Variants in PRELID2 observed in about 807,000 individuals in gnomAD.
PRELID2 encodes PRELI domain containing 2.
A neutral mutation model predicts 28.4 loss-of-function variants in PRELID2; 25 were observed. The observed-to-expected ratio is 0.88, with a 90% CI of 0.64 to 1.23. The LOEUF is 1.23. Among genes scored for constraint, PRELID2 ranks in the 50% most tolerant of loss-of-function variants. The probability of loss-of-function intolerance (pLI) is 0.00; values close to 1 mark genes in which losing one functional copy is unlikely to be tolerated. For missense variants in PRELID2, 201 were observed against 214.4 expected (o/e 0.94, Z 0.39); for synonymous variants, 76 against 71.6 (o/e 1.06, Z -0.31).
chr5:145,665,964 A>C (rs183408055), intron 1 of PRELID2, among the ~76,000 whole-genome samples: 1 of 150,692 alleles, frequency 6.6e-6, no homozygotes, highest in East Asian at 2.0e-4. Flanking sequence ...TTAAGAAAAA[A>C]ATAGCAAACT....
chr5:145,692,494 T>C (rs1354482587), intron 1 of PRELID2, among the ~76,000 whole-genome samples: 4 of 152,220 alleles, frequency 2.6e-5, no homozygotes, highest in Non-Finnish European at 5.9e-5. Flanking sequence ...CATGCATCAA[T>C]CAGAAGAGTC....
chr5:145,698,871 C>T (rs973184275), intron 1 of PRELID2, among the ~76,000 whole-genome samples: 1 of 152,192 alleles, frequency 6.6e-6, no homozygotes, highest in Non-Finnish European at 1.5e-5. Flanking sequence ...GGATTACAGG[C>T]ATGCGCCACC....
At chr5:145,468,185 C>T (rs555481478), downstream of PRELID2, among the ~76,000 whole-genome samples, 137 of 152,106 alleles carry the variant, frequency 9.0e-4, no homozygotes, top group Non-Finnish European at 1.5e-3. Flanking sequence ...TTTGTCCTGG[C>T]GATAGTTTGC....
chr5:145,531,306 C>T (rs1259186899), intron 1 of PRELID2, among the ~76,000 whole-genome samples: 1 of 152,124 alleles, frequency 6.6e-6, no homozygotes, highest in Admixed American at 6.6e-5. Context: ...ACTAAAAAAT[C>T]TTGTCCATTT....
chr5:145,615,615 C>T (rs956804882), intron 1 of PRELID2, among the ~76,000 whole-genome samples: 1 of 116,188 alleles, frequency 8.6e-6, no homozygotes, highest in South Asian at 2.6e-4. Context: ...CGTGAGCCAC[C>T]GCGCCCAGCC....
intron 1 of PRELID2, among the ~76,000 whole-genome samples, chr5:145,654,364 T>C (rs1344293924): frequency 2.6e-5 from 4 of 152,028 alleles, no homozygotes; most frequent in East Asian, 3.9e-4. Context: ...TTCCAATCAA[T>C]AGAAAAACAG....
At chr5:145,281,682 GAA>G in the PRELID2 span, among the ~76,000 whole-genome samples, 3 of 152,180 alleles carry the variant, frequency 2.0e-5, no homozygotes, top group Non-Finnish European at 4.4e-5. Context: ...CTCACAAGTA[GAA>G]AGCCTTGTTT....
At chr5:145,564,228 A>T (rs1054904925) in intron 1 of PRELID2, among the ~76,000 whole-genome samples, 13 of 152,228 alleles carry the variant, frequency 8.5e-5, no homozygotes, top group African/African-American at 2.7e-4. Context: ...AGCATCAAGG[A>T]TCAGCAAACA....
At chr5:145,326,001 C>G in the PRELID2 span, among the ~76,000 whole-genome samples, 1 of 152,032 alleles carries the variant, frequency 6.6e-6, no homozygotes, top group South Asian at 2.1e-4. Context: ...CAACAACACA[C>G]AATTGGAAGA....
chr5:145,781,268 A>G (rs1012986621), intron 5 of PRELID2, among the ~76,000 whole-genome samples: 3 of 152,210 alleles, frequency 2.0e-5, no homozygotes, highest in Non-Finnish European at 4.4e-5. Context: ...AGCATGCTGC[A>G]GGGCTGAAGG....
At chr5:145,292,786 C>A in the PRELID2 span, among the ~76,000 whole-genome samples, 1 of 152,146 alleles carries the variant, frequency 6.6e-6, no homozygotes. Flanking sequence ...TAGCTCACTG[C>A]AGCCTAAATA....
At chr5:145,820,550 C>T (rs1422287332) in intron 2 of PRELID2, among the ~76,000 whole-genome samples, 4 of 152,124 alleles carry the variant, frequency 2.6e-5, no homozygotes. Context: ...ACCAAACTTT[C>T]AAGCACAGAT....
chr5:145,500,988 C>T (rs2126633880), intron 1 of PRELID2, among the ~76,000 whole-genome samples: 1 of 152,254 alleles, frequency 6.6e-6, no homozygotes, highest in African/African-American at 2.4e-5. Context: ...GACCTGGCCT[C>T]CTGGAAGCTG....
chr5:145,387,012 T>C, the PRELID2 span, among the ~76,000 whole-genome samples: 6 of 152,314 alleles, frequency 3.9e-5, no homozygotes, highest in Middle Eastern at 3.4e-3. Context: ...ATCAGTGACA[T>C]AGCTTTATTA....
the PRELID2 span, among the ~76,000 whole-genome samples, chr5:145,453,841 A>G: frequency 6.6e-5 from 10 of 152,190 alleles, no homozygotes; most frequent in African/African-American, 2.2e-4. Context: ...TATATGCCAC[A>G]TTTTCTTTAT....
intron 1 of PRELID2, among the ~76,000 whole-genome samples, chr5:145,503,654 C>T (rs980078009): frequency 4.6e-5 from 7 of 152,086 alleles, no homozygotes; most frequent in African/African-American, 1.7e-4. Flanking sequence ...GTTTGCTGGT[C>T]CTGTGCATTG....
At position 145,758,253 on chromosome 5, in the gene PRELID2, C is replaced by T. The variant is rs1479779280; in HGVS notation, c.*2283G>A. ...ACGACACAACCGCACTGTGCTGGAA[C>T]CGGGCACACAAGGCAGAAATTCAAC... On this transcript the variant is annotated 3_prime_UTR_variant, in exon 7 of 7. Transcript: ENST00000683046. Among the ~76,000 whole-genome samples the T allele has an allele frequency of 1.3e-5, 2 of 151,942 alleles. No homozygotes were observed. Among genetic ancestry groups the T allele is most frequent in the African/African-American group, 4.8e-5 (2 of 41,366 alleles).
chr5:145,326,964 CCCAAAAGACACAG>C, the PRELID2 span, among the ~76,000 whole-genome samples: 1 of 18,326 alleles, frequency 5.5e-5, no homozygotes, highest in Non-Finnish European at 1.1e-4. Context: ...GGGTCGTAAT[CCCAAAAGACACAG>C]TCACAAACGC....
At position 145,770,758 on chromosome 5, in the gene PRELID2, T is replaced by G. The variant is rs369670954; in HGVS notation, c.475-5758A>C. On this transcript the variant is annotated intron_variant, in intron 5 of 6. Coordinates refer to ENST00000683046, the MANE Select transcript of PRELID2 (RefSeq NM_205846.3). The stretch of plus-strand genomic sequence containing the variant: ...AAAAGTAAAAATTAAAATTAAAAAT[T>G]TCAAAAATAGAAAAAAGTTTCTAGA... Among the ~76,000 whole-genome samples, 11 of 152,234 alleles carry G rather than the reference T, an allele frequency of 7.2e-5. 1 individual carries two copies. Among genetic ancestry groups the G allele is most frequent in the African/African-American group, 2.6e-4 (11 of 41,538 alleles).
Sources: allele counts gnomAD v4.1 joint callset (sites outside exome capture counted in the v4.1 genomes callset), GRCh38; gene constraint gnomAD v4.1.1; transcripts MANE v1.5; gene names NCBI Gene and HGNC (gene_info 2026-07-23, HGNC 2026-07-21).